The following CAMTA1 variants were observed in gnomAD, a reference collection of about 807,000 sequenced individuals.
CAMTA1 encodes the protein calmodulin binding transcription activator 1, also known as calmodulin-binding transcription activator 1.
Under a neutral mutation model 170.9 loss-of-function variants are expected in CAMTA1, and 27 were observed. The observed-to-expected ratio is 0.16, with a 90% CI of 0.12 to 0.22. The LOEUF (loss-of-function observed/expected upper bound fraction) is 0.22. CAMTA1 is among the 10% of genes least tolerant of loss of function. The pLI is 1.00. For synonymous variants in CAMTA1, 833 were observed against 891.5 expected, an observed-to-expected ratio of 0.93 and a Z score of 1.17; for missense variants, 1,619 against 2,217.2, an observed-to-expected ratio of 0.73 and a Z score of 5.42.
chr1:6,972,619 A>G (rs1692741692), intron 3 of CAMTA1, among the ~76,000 whole-genome samples: 2 of 152,162 alleles, frequency 1.3e-5, no homozygotes, highest in Non-Finnish European at 1.5e-5. Context: ...GGGAAGTCCT[A>G]TCTGGCTGTC....
rs920488467 is a variant in CAMTA1, at chr1:7,565,452, G to C, written c.511-74948G>C. Among the ~76,000 whole-genome samples, 1 of 152,214 alleles carries C rather than the reference G, an allele frequency of 6.6e-6. No homozygotes were observed. Among genetic ancestry groups the C allele is most frequent in the Admixed American group, 6.5e-5 (1 of 15,288 alleles). On this transcript the variant is annotated intron_variant, in intron 6 of 22. Transcript: ENST00000303635. This position sits in a 1 kb window ranked among gnomAD's most constrained non-coding sequence, Gnocchi z 4.5. The stretch of plus-strand genomic sequence containing the variant: ...AACCCAGGTCCCTGACCACGTGGTA[G>C]AGTGAAGAGGCCAGGAACAGAGGGC...
chr1:7,753,191 A>G (rs553929684), intron 21 of CAMTA1, among the ~76,000 whole-genome samples: 1 of 152,380 alleles, frequency 6.6e-6, no homozygotes, highest in African/African-American at 2.4e-5. Flanking sequence ...GGGATGCAGC[A>G]TCTTCTCATG....
Position 7,216,164 on chromosome 1 carries a change from G to A in CAMTA1, c.303-33327G>A, listed in dbSNP as rs1004574388. On this transcript the variant is annotated intron_variant, in intron 4 of 22. Coordinates refer to ENST00000303635, the MANE Select transcript of CAMTA1 (RefSeq NM_015215.4). This position sits in a 1 kb window ranked among gnomAD's most constrained non-coding sequence, Gnocchi z 4.0. ...GGAGCAGGAGGAAGAGGGTGAAGGG[G>A]GAGGTCCTGCACTCTTCCAAACAAC... is the stretch of plus-strand genomic sequence containing the variant. Among the ~76,000 whole-genome samples, 1 of 152,144 alleles carries A rather than the reference G, an allele frequency of 6.6e-6. No individual in the cohort carries two copies. The highest frequency in any genetic ancestry group is 1.5e-5 in the Non-Finnish European group (1 of 68,034).
At chr1:7,604,584 A>T (rs1050707565) in intron 6 of CAMTA1, among the ~76,000 whole-genome samples, 4 of 151,726 alleles carry the variant, frequency 2.6e-5, no homozygotes, top group Admixed American at 2.0e-4. Context: ...CATTCATCTA[A>T]TTTTTTTTCA....
intron 6 of CAMTA1, among the ~76,000 whole-genome samples, chr1:7,589,177 T>A (rs1332840605): frequency 6.6e-6 from 1 of 152,164 alleles, no homozygotes; most frequent in Non-Finnish European, 1.5e-5. Flanking sequence ...GGTCAGGGTG[T>A]TGTGGTCCCT....
intron 15 of CAMTA1, 134 bp downstream of exon 15, chr1:7,737,704 A>G (rs2096782410): frequency 1.0e-6 from 1 of 962,714 alleles, no homozygotes; most frequent in African/African-American, 1.7e-5. Context: ...ATTTTTCTTT[A>G]AGAATGCCTA....
intron 4 of CAMTA1, among the ~76,000 whole-genome samples, chr1:7,246,761 G>T (rs1346395479): frequency 7.3e-6 from 1 of 136,720 alleles, no homozygotes; most frequent in Non-Finnish European, 1.5e-5. Context: ...CTGCCTCCCA[G>T]GTTCAAAAGA....
intron 5 of CAMTA1, among the ~76,000 whole-genome samples, chr1:7,394,049 A>G (rs2089016600): frequency 6.6e-6 from 1 of 152,190 alleles, no homozygotes; most frequent in Admixed American, 6.5e-5. Context: ...TTTATGACTG[A>G]AGAGTATTCC....
At chr1:7,096,487 G>A (rs886894401) in intron 4 of CAMTA1, among the ~76,000 whole-genome samples, 1 of 152,034 alleles carries the variant, frequency 6.6e-6, no homozygotes, top group Non-Finnish European at 1.5e-5. Flanking sequence ...TCTCCAGCTC[G>A]CCATCTTCTC....
intron 16 of CAMTA1, among the ~76,000 whole-genome samples, chr1:7,739,126 G>A (rs4908689): frequency 0.17 from 26,157 of 152,052 alleles, 2,586 homozygotes; most frequent in East Asian, 0.32. Flanking sequence ...AAAATATGTA[G>A]GGGAGGACCA....
At chr1:7,110,527 G>A (rs1446118774) in intron 4 of CAMTA1, among the ~76,000 whole-genome samples, 3 of 152,222 alleles carry the variant, frequency 2.0e-5, no homozygotes, top group African/African-American at 4.8e-5. Context: ...AATCTGCGAT[G>A]AATTATTCAG....
chr1:6,840,580 A>AT (rs1329734245), intron 3 of CAMTA1, among the ~76,000 whole-genome samples: 1 of 152,162 alleles, frequency 6.6e-6, no homozygotes, highest in African/African-American at 2.4e-5. Flanking sequence ...TGGTTGTGAG[A>AT]TGTCTGTTAG....
intron 7 of CAMTA1, among the ~76,000 whole-genome samples, chr1:7,655,422 C>CA (rs1483075053): frequency 8.2e-6 from 1 of 122,202 alleles, no homozygotes; most frequent in African/African-American, 3.0e-5. Context: ...ACACACACAC[C>CA]TATCCACATA....
chr1:7,091,606 G>A (rs1410818763), intron 4 of CAMTA1, among the ~76,000 whole-genome samples: 1 of 152,190 alleles, frequency 6.6e-6, no homozygotes. Flanking sequence ...TTAACCTGAC[G>A]GCTGCATCCT....
chr1:7,654,554 G>C, intron 7 of CAMTA1, among the ~76,000 whole-genome samples: 1 of 113,380 alleles, frequency 8.8e-6, no homozygotes, highest in Admixed American at 8.6e-5. Flanking sequence ...ACACACACCG[G>C]CACACACCTA....
chr1:7,679,215 G>T (rs900002027), intron 11 of CAMTA1, among the ~76,000 whole-genome samples: 6 of 152,230 alleles, frequency 3.9e-5, no homozygotes, highest in African/African-American at 1.2e-4. Context: ...AGAACAAATG[G>T]GGAATGGAGT....
At chr1:7,701,754 C>T (rs966634590) in intron 11 of CAMTA1, among the ~76,000 whole-genome samples, 3 of 152,104 alleles carry the variant, frequency 2.0e-5, no homozygotes, top group East Asian at 1.9e-4. Context: ...TTGCACTTAA[C>T]CTTGGTACTG....
intron 4 of CAMTA1, among the ~76,000 whole-genome samples, chr1:7,125,127 T>C (rs1418055214): frequency 6.6e-6 from 1 of 151,518 alleles, no homozygotes; most frequent in Non-Finnish European, 1.5e-5. Flanking sequence ...AAGCAACGCC[T>C]CTGCATCTAC....
At chr1:7,445,052 G>A (rs1466505746) in intron 5 of CAMTA1, among the ~76,000 whole-genome samples, 2 of 151,450 alleles carry the variant, frequency 1.3e-5, no homozygotes, top group East Asian at 2.0e-4. Context: ...GGGGTAGGAG[G>A]TGGGGGATGG....
Sources: allele counts gnomAD v4.1 joint callset (sites outside exome capture counted in the v4.1 genomes callset), GRCh38; gene constraint gnomAD v4.1.1; non-coding constraint Gnocchi (gnomAD v3.1); transcripts MANE v1.5; gene names NCBI Gene and HGNC (gene_info 2026-07-23, HGNC 2026-07-21).